Variants in PLPP3 observed in about 807,000 individuals in gnomAD.
PLPP3 encodes PAP2 beta.
A neutral mutation model predicts 29.6 loss-of-function variants in PLPP3; 6 were observed. The ratio of observed to expected loss-of-function variants is 0.20; its 90% CI spans 0.11 to 0.40. The LOEUF is 0.40. PLPP3 is among the 10% of genes least tolerant of loss of function. The pLI is 1.00. For synonymous variants in PLPP3, 152 were observed against 159.7 expected (o/e 0.95, Z 0.36); for missense variants, 308 against 407.7 (o/e 0.76, Z 2.11).
At chr1:56,505,276 T>C (rs1337332789) in intron 5 of PLPP3, among the ~76,000 whole-genome samples, 1 of 152,250 alleles carries the variant, frequency 6.6e-6, no homozygotes, top group African/African-American at 2.4e-5. Flanking sequence ...TTAGGCATTA[T>C]CATCCCAACC....
At chr1:56,516,896 G>C (rs1259252051) in intron 4 of PLPP3, 1 of 152,122 alleles carries the variant, frequency 6.6e-6, no homozygotes, top group Non-Finnish European at 1.5e-5. Flanking sequence ...CACTCTGTCA[G>C]TGCAGTTCTC....
chr1:56,549,878 T>C (rs906952328), intron 1 of PLPP3, among the ~76,000 whole-genome samples: 21 of 151,970 alleles, frequency 1.4e-4, no homozygotes, highest in African/African-American at 5.1e-4. Context: ...TGGAGGGAGG[T>C]GGGAATTAAC....
chr1:56,534,752 C>CT (rs1337689029), intron 2 of PLPP3, among the ~76,000 whole-genome samples: 5 of 152,138 alleles, frequency 3.3e-5, no homozygotes, highest in Non-Finnish European at 7.4e-5. Flanking sequence ...GAGGTCTTTG[C>CT]TTTTACCTTT....
At chr1:56,545,606 T>C (rs1337717006) in intron 1 of PLPP3, among the ~76,000 whole-genome samples, 1 of 152,146 alleles carries the variant, frequency 6.6e-6, no homozygotes, top group African/African-American at 2.4e-5. Context: ...AACATCACAG[T>C]GGGAACCCTG....
intron 1 of PLPP3, among the ~76,000 whole-genome samples, chr1:56,578,335 A>C (rs1646250722): frequency 6.6e-6 from 1 of 152,192 alleles, no homozygotes; most frequent in Non-Finnish European, 1.5e-5. Context: ...AGCCCGGGGA[A>C]AGCACCTACA....
At chr1:56,531,764 G>C (rs1040485341) in intron 2 of PLPP3, among the ~76,000 whole-genome samples, 9 of 152,076 alleles carry the variant, frequency 5.9e-5, no homozygotes, top group African/African-American at 1.7e-4. Context: ...GAGTAACCTC[G>C]GGCTAGTCAC....
At chr1:56,529,477 C>A in intron 2 of PLPP3, among the ~76,000 whole-genome samples, 1 of 152,126 alleles carries the variant, frequency 6.6e-6, no homozygotes, top group East Asian at 1.9e-4. Flanking sequence ...AATTGATGAA[C>A]TTCTTTTGCC....
chr1:56,578,204 C>T (rs1054157816), intron 1 of PLPP3, among the ~76,000 whole-genome samples: 2 of 152,162 alleles, frequency 1.3e-5, no homozygotes, highest in Non-Finnish European at 2.9e-5. Flanking sequence ...GGAAATGGGG[C>T]TCATCACCCC....
intron 1 of PLPP3, among the ~76,000 whole-genome samples, chr1:56,545,990 A>G (rs1421609033): frequency 6.6e-6 from 1 of 152,220 alleles, no homozygotes; most frequent in Non-Finnish European, 1.5e-5. Flanking sequence ...ATGGCCCGCG[A>G]TCTAGCTCAA....
At chr1:56,546,980 A>G (rs1646010110) in intron 1 of PLPP3, among the ~76,000 whole-genome samples, 2 of 152,256 alleles carry the variant, frequency 1.3e-5, no homozygotes, top group African/African-American at 4.8e-5. Context: ...AATAAAAAAT[A>G]AAAGCAAGGT....
intron 1 of PLPP3, among the ~76,000 whole-genome samples, chr1:56,555,707 C>T (rs1287744360): frequency 1.3e-5 from 2 of 152,114 alleles, no homozygotes; most frequent in Non-Finnish European, 2.9e-5. Context: ...CAAGGTCTTG[C>T]TATGTTGCCA....
At chr1:56,547,642 C>T (rs1408838165) in intron 1 of PLPP3, among the ~76,000 whole-genome samples, 3 of 152,120 alleles carry the variant, frequency 2.0e-5, no homozygotes, top group African/African-American at 7.2e-5. Context: ...TAGGGCACTC[C>T]TAGGCAAGCT....
chr1:56,530,454 A>G (rs185121634), intron 2 of PLPP3, among the ~76,000 whole-genome samples: 379 of 152,008 alleles, frequency 2.5e-3, no homozygotes, highest in Middle Eastern at 6.8e-3. Context: ...AACCAAGTCT[A>G]AGGTCACACC....
intron 1 of PLPP3, among the ~76,000 whole-genome samples, chr1:56,571,309 C>T (rs1420925373): frequency 6.6e-6 from 1 of 152,136 alleles, no homozygotes; most frequent in Non-Finnish European, 1.5e-5. Context: ...CTAGGCATGT[C>T]CCCACCACGT....
intron 4 of PLPP3, 52 bp from the exon 5 acceptor site, chr1:56,512,204 T>C (rs772099543): frequency 6.0e-5 from 88 of 1,464,020 alleles, no homozygotes; most frequent in Non-Finnish European, 7.8e-5. Context: ...CCCACTCACA[T>C]GCACTATAAC....
At position 56,537,078 on chromosome 1, in the gene PLPP3, G is replaced by A; in HGVS notation, c.174C>T (p.Thr58=). ...GLPFLIIETS[T]IKPYHRGFYC... ...AAAACCCTCGGTGGTAAGGCTTGAT[G>A]GTGCTTGTCTCGATGATGAGGAAGG... The change falls in exon 2 of 6, where the codon ACC becomes ACT. Residue 58 remains threonine, a synonymous_variant. Transcript: ENST00000371250. The A allele has an allele frequency of 6.2e-7, 1 of 1,613,594 alleles. No individual in the cohort carries two copies. Among genetic ancestry groups the A allele is most frequent in the South Asian group, 1.1e-5 (1 of 91,050 alleles).
intron 1 of PLPP3, among the ~76,000 whole-genome samples, chr1:56,568,667 C>G (rs965805128): frequency 1.1e-4 from 17 of 152,266 alleles, no homozygotes; most frequent in African/African-American, 4.1e-4. Context: ...GCTCTGTCGC[C>G]CAGGCTGGAG....
At chr1:56,556,868 C>T (rs1481294121) in intron 1 of PLPP3, among the ~76,000 whole-genome samples, 1 of 139,430 alleles carries the variant, frequency 7.2e-6, no homozygotes. Flanking sequence ...TGAGGCCAGA[C>T]TGGCCAACAT....
At chr1:56,518,240 G>A (rs1454367961) in intron 4 of PLPP3, among the ~76,000 whole-genome samples, 1 of 152,138 alleles carries the variant, frequency 6.6e-6, no homozygotes, top group African/African-American at 2.4e-5. Context: ...CCCAGGATCT[G>A]TGGGTACACC....
Sources: allele counts gnomAD v4.1 joint callset (sites outside exome capture counted in the v4.1 genomes callset), GRCh38; gene constraint gnomAD v4.1.1; transcripts MANE v1.5; gene names NCBI Gene and HGNC (gene_info 2026-07-23, HGNC 2026-07-21).